The following IL1RAPL1 variants were observed in gnomAD, a reference collection of about 807,000 sequenced individuals.
IL1RAPL1 encodes interleukin-1 receptor accessory protein-like 1.
A neutral mutation model predicts 48.4 loss-of-function variants in IL1RAPL1; 3 were observed. That is an observed-to-expected ratio of 0.06 (90% CI 0.03 to 0.16). IL1RAPL1 has a LOEUF of 0.16. Among genes scored for constraint, IL1RAPL1 ranks in the 10% least tolerant of loss-of-function variants. The probability of loss-of-function intolerance (pLI) is 1.00; values close to 1 mark genes in which losing one functional copy is unlikely to be tolerated. For synonymous variants in IL1RAPL1, 185 were observed against 187.7 expected, an observed-to-expected ratio of 0.99 and a Z score of 0.12; for missense variants, 349 against 530.6, an observed-to-expected ratio of 0.66 and a Z score of 3.36.
Position 29,147,598 on chromosome X carries a change from T to C in IL1RAPL1, c.83-135340T>C, listed in dbSNP as rs576306591. On this transcript the variant is annotated intron_variant, in intron 2 of 10. Transcript: ENST00000378993. ...ATTTATACTAGTGATGGTTGTATCCTGTCTACCAGAGAGGGGAAAAATGCT... is the reference window on the plus strand; with the variant it reads ...ATTTATACTAGTGATGGTTGTATCCCGTCTACCAGAGAGGGGAAAAATGCT... Among the ~76,000 whole-genome samples, 89 of 111,670 alleles carry C rather than the reference T, an allele frequency of 8.0e-4. No homozygotes were observed. The South Asian group carries it at 0.031, about 39-fold the overall frequency.
At chrX:29,608,154 C>G (rs1347454439) in intron 5 of IL1RAPL1, among the ~76,000 whole-genome samples, 2 of 111,876 alleles carry the variant, frequency 1.8e-5, no homozygotes, top group Admixed American at 9.5e-5. Flanking sequence ...CATGATGTCT[C>G]TTCCATCAGG....
At chrX:29,401,680 A>T (rs1230273704) in intron 5 of IL1RAPL1, among the ~76,000 whole-genome samples, 5 of 81,894 alleles carry the variant, frequency 6.1e-5, no homozygotes, top group South Asian at 5.4e-4. Flanking sequence ...ATGTCACTTT[A>T]AAAAAAAAAA....
chrX:29,525,806 C>T (rs1433056705), intron 5 of IL1RAPL1, among the ~76,000 whole-genome samples: 1 of 111,911 alleles, frequency 8.9e-6, no homozygotes, highest in Admixed American at 9.5e-5. Context: ...TTTGTTTAGA[C>T]AGTTCACTGG....
chrX:28,694,344 C>T (rs187979129), intron 1 of IL1RAPL1, among the ~76,000 whole-genome samples: 49 of 111,986 alleles, frequency 4.4e-4, no homozygotes, highest in Non-Finnish European at 7.2e-4. Flanking sequence ...ATTCTAATTT[C>T]GTAAATTAAC....
chrX:28,851,265 G>T (rs2147297049), intron 2 of IL1RAPL1, among the ~76,000 whole-genome samples: 1 of 109,872 alleles, frequency 9.1e-6, no homozygotes, highest in African/African-American at 3.3e-5. Context: ...GTATCCTTGT[G>T]AAGGGTTGTA....
At chrX:28,949,001 T>C (rs1924379444) in intron 2 of IL1RAPL1, among the ~76,000 whole-genome samples, 1 of 111,069 alleles carries the variant, frequency 9.0e-6, no homozygotes, top group Admixed American at 9.7e-5. Context: ...AATGAAGCTG[T>C]GGATGGAGGA....
At chrX:29,086,448 C>A (rs764615451) in intron 2 of IL1RAPL1, among the ~76,000 whole-genome samples, 35 of 112,109 alleles carry the variant, frequency 3.1e-4, no homozygotes, top group Middle Eastern at 4.6e-3. Flanking sequence ...CTGATAATGC[C>A]AAATACCATG....
intron 6 of IL1RAPL1, among the ~76,000 whole-genome samples, chrX:29,839,893 T>C (rs977324533): frequency 1.8e-5 from 2 of 112,291 alleles, no homozygotes; most frequent in African/African-American, 6.5e-5. Context: ...ACCACTGCAC[T>C]CTAACCTGGG....
chrX:29,594,084 A>T lies in IL1RAPL1; in HGVS notation c.704-74346A>T, dbSNP rs1923467607. 2.7e-5 allele frequency among the ~76,000 whole-genome samples: 3 copies of T among 112,554 alleles called. No individual in the cohort carries two copies. In the South Asian group the frequency reaches 1.1e-3, roughly 41 times the overall value. The stretch of plus-strand genomic sequence containing the variant: ...GATTTTAGGGTCTGACGATTTGGAG[A>T]TCCCTCTAAGTAGATAAATGGTGTA... On this transcript the variant is annotated intron_variant, in intron 5 of 10. Transcript: ENST00000378993.
chrX:29,700,300 C>T (rs1239002541), intron 6 of IL1RAPL1, among the ~76,000 whole-genome samples: 1 of 112,052 alleles, frequency 8.9e-6, no homozygotes, highest in Non-Finnish European at 1.9e-5. Flanking sequence ...TTGTCAAACA[C>T]AGAATCTTGG....
intron 5 of IL1RAPL1, among the ~76,000 whole-genome samples, chrX:29,439,969 C>T (rs1264603458): frequency 4.9e-5 from 4 of 81,097 alleles, no homozygotes; most frequent in African/African-American, 1.9e-4. Context: ...TAAAATAGGA[C>T]TCAACCTTAT....
chrX:29,626,736 G>A (rs926702340), intron 5 of IL1RAPL1, among the ~76,000 whole-genome samples: 1 of 112,067 alleles, frequency 8.9e-6, no homozygotes, highest in Non-Finnish European at 1.9e-5. Flanking sequence ...TTGGATCAGT[G>A]GTTCCAGTTC....
At chrX:29,407,800 A>C (rs1258949275) in intron 5 of IL1RAPL1, among the ~76,000 whole-genome samples, 1 of 112,415 alleles carries the variant, frequency 8.9e-6, no homozygotes, top group East Asian at 2.8e-4. Context: ...TGGAGGTGCC[A>C]AAATAAGTGG....
chrX:29,445,127 G>A (rs756486775), intron 5 of IL1RAPL1, among the ~76,000 whole-genome samples: 1 of 112,463 alleles, frequency 8.9e-6, no homozygotes, highest in Admixed American at 9.4e-5. Flanking sequence ...TAAATTCCCA[G>A]TAGCTAATGC....
rs1930408062 is a variant in IL1RAPL1 at position 29,194,530 on chromosome X, AAAAG to A, written c.83-88404_83-88401del. Among the ~76,000 whole-genome samples, 4 of 112,347 alleles carry A rather than the reference AAAAG, an allele frequency of 3.6e-5. No homozygotes were observed. The Admixed American group carries it at 3.8e-4, about 11-fold the overall frequency. On this transcript the variant is annotated intron_variant, in intron 2 of 10. Transcript: ENST00000378993. ...AGCTGTGGTGTAGCATTTGGGGAGA[AAAAG>A]AAAACAAACCCCTTTTCCTCAAAGA...
At chrX:29,838,080 G>GA (rs2147191968) in intron 6 of IL1RAPL1, among the ~76,000 whole-genome samples, 1 of 111,473 alleles carries the variant, frequency 9.0e-6, no homozygotes, top group African/African-American at 3.3e-5. Context: ...GCATTTTCCA[G>GA]GGAAGAAGCG....
intron 2 of IL1RAPL1, among the ~76,000 whole-genome samples, chrX:29,128,392 T>A (rs915437642): frequency 1.8e-5 from 2 of 111,557 alleles, no homozygotes; most frequent in African/African-American, 6.5e-5. Context: ...ACCTGAGTAT[T>A]GAAGAACGTG....
intron 3 of IL1RAPL1, among the ~76,000 whole-genome samples, chrX:29,297,406 A>T (rs977356268): frequency 3.6e-5 from 4 of 112,427 alleles, no homozygotes; most frequent in African/African-American, 1.3e-4. Flanking sequence ...TCCATTCCCA[A>T]TGTCACTACG....
chrX:28,787,439 A>T (rs905820896), intron 1 of IL1RAPL1, among the ~76,000 whole-genome samples: 3 of 111,710 alleles, frequency 2.7e-5, no homozygotes, highest in African/African-American at 9.8e-5. Context: ...TTAATGTGGC[A>T]GTTCATCAGA....
Sources: allele counts gnomAD v4.1 joint callset (sites outside exome capture counted in the v4.1 genomes callset), GRCh38; gene constraint gnomAD v4.1.1; transcripts MANE v1.5; gene names NCBI Gene and HGNC (gene_info 2026-07-23, HGNC 2026-07-21).